FHOD3: variants seen among roughly 807,000 people sequenced by gnomAD.
FHOD3 encodes formin homology 2 domain containing 3.
A neutral mutation model predicts 173.0 loss-of-function variants in FHOD3; 90 were observed. That is an observed-to-expected ratio of 0.52 (90% CI 0.44 to 0.62). The LOEUF (loss-of-function observed/expected upper bound fraction) is 0.62. FHOD3 is among the 20% of genes least tolerant of loss of function. The pLI, the probability that FHOD3 is intolerant of heterozygous loss-of-function variation, is 0.00. For missense variants in FHOD3, 1,945 were observed against 2,034.7 expected, an observed-to-expected ratio of 0.96 and a Z score of 0.85; for synonymous variants, 828 against 823.0, an observed-to-expected ratio of 1.01 and a Z score of -0.10.
At chr18:36,490,110 C>T (rs2054392250) in intron 3 of FHOD3, among the ~76,000 whole-genome samples, 1 of 152,194 alleles carries the variant, frequency 6.6e-6, no homozygotes, top group Non-Finnish European at 1.5e-5. Context: ...TCTTCCATGG[C>T]TTGGGTGAGC....
At position 36,693,164 on chromosome 18, in the gene FHOD3, G is replaced by C. The variant is rs768917484; in HGVS notation, c.2022-45G>C. ...ATCCATAAACAAGCATCAGCCACAG[G>C]CTCCTCTTTCGTTTGACGGAAACCC... On this transcript the variant is annotated intron_variant, in intron 16 of 28. Transcript: ENST00000590592. 15 of 1,560,042 alleles carry C rather than the reference G, an allele frequency of 9.6e-6. No homozygotes were observed. In the Admixed American group the frequency reaches 2.7e-4, roughly 28 times the overall value.
intron 23 of FHOD3, among the ~76,000 whole-genome samples, chr18:36,744,636 C>A (rs1270531105): frequency 3.9e-5 from 6 of 152,208 alleles, no homozygotes; most frequent in Non-Finnish European, 8.8e-5. Flanking sequence ...CTGCTCCCCA[C>A]AGATAGGCAG....
chr18:36,685,828 T>C (rs2038573456), intron 15 of FHOD3, among the ~76,000 whole-genome samples: 1 of 152,148 alleles, frequency 6.6e-6, no homozygotes, highest in African/African-American at 2.4e-5. Flanking sequence ...TAAACTTAGA[T>C]TCAATTTGGA....
At chr18:36,553,243 G>A (rs1456658470) in intron 5 of FHOD3, among the ~76,000 whole-genome samples, 3 of 152,186 alleles carry the variant, frequency 2.0e-5, no homozygotes, top group Non-Finnish European at 4.4e-5. Flanking sequence ...GAGGATTTTA[G>A]CATTGATGTT....
At chr18:36,657,445 A>C (rs1045087128) in intron 13 of FHOD3, among the ~76,000 whole-genome samples, 2 of 152,242 alleles carry the variant, frequency 1.3e-5, no homozygotes. Flanking sequence ...CATGTCTGGA[A>C]AATCATCAAA....
chr18:36,539,000 A>G (rs1420768007), intron 5 of FHOD3, among the ~76,000 whole-genome samples: 2 of 152,324 alleles, frequency 1.3e-5, no homozygotes, highest in Non-Finnish European at 2.9e-5. Flanking sequence ...AGTACCTGGG[A>G]TCTCACCATA....
At chr18:36,534,030 G>A (rs1038990903) in intron 5 of FHOD3, among the ~76,000 whole-genome samples, 5 of 152,132 alleles carry the variant, frequency 3.3e-5, no homozygotes, top group African/African-American at 9.7e-5. Flanking sequence ...CCTTAGAGTG[G>A]TGATGACCCA....
At chr18:36,385,600 T>C (rs1281613669) in intron 3 of FHOD3, among the ~76,000 whole-genome samples, 1 of 152,220 alleles carries the variant, frequency 6.6e-6, no homozygotes, top group African/African-American at 2.4e-5. Flanking sequence ...TTTCACCATA[T>C]TGACCAGGCT....
Position 36,434,291 on chromosome 18 carries a change from G to A in FHOD3, c.337+61547G>A, listed in dbSNP as rs372099752. Reference sequence around the variant, plus strand: ...AAGATATGGATGTCTATTAATAGTCGTTCAAACACCATTTGTTGGAAATAC... The same window carrying A: ...AAGATATGGATGTCTATTAATAGTCATTCAAACACCATTTGTTGGAAATAC... On this transcript the variant is annotated intron_variant, in intron 3 of 28. Coordinates refer to ENST00000590592, the MANE Select transcript of FHOD3 (RefSeq NM_001281740.3). 6.8e-4 allele frequency among the ~76,000 whole-genome samples: 104 copies of A among 152,216 alleles called. 1 individual carries two copies. Among genetic ancestry groups the A allele is most frequent in the Middle Eastern group, 3.4e-3 (1 of 294 alleles).
chr18:36,779,718 C>G lies in FHOD3; in HGVS notation c.*188C>G. The stretch of plus-strand genomic sequence containing the variant: ...CATTGACTTGGATCTCCAGGAGTCC[C>G]CTGCACATACCTTCTCCATCGTGTC... On this transcript the variant is annotated 3_prime_UTR_variant, in exon 29 of 29. Coordinates refer to ENST00000590592, the MANE Select transcript of FHOD3 (RefSeq NM_001281740.3). 1 of 583,246 alleles carries G rather than the reference C, an allele frequency of 1.7e-6. No individual in the cohort carries two copies. The allele number at this position is 583,246 out of a possible 1,614,324, so 36.1% of individuals were successfully genotyped here. A position where few individuals can be genotyped will look rare whatever the true frequency, so the allele number is the denominator to read the frequency against.
chr18:36,491,945 C>T, intron 3 of FHOD3, among the ~76,000 whole-genome samples: 1 of 152,178 alleles, frequency 6.6e-6, no homozygotes, highest in Non-Finnish European at 1.5e-5. Flanking sequence ...ATGATTTTCA[C>T]ATCTTCTGTG....
intron 1 of FHOD3, among the ~76,000 whole-genome samples, chr18:36,325,819 G>A (rs907260082): frequency 1.3e-5 from 2 of 152,238 alleles, no homozygotes; most frequent in African/African-American, 4.8e-5. Context: ...GTAAATTAGT[G>A]TACTGGGACA....
At chr18:36,354,898 G>A (rs2046289633) in intron 1 of FHOD3, among the ~76,000 whole-genome samples, 1 of 152,134 alleles carries the variant, frequency 6.6e-6, no homozygotes, top group Non-Finnish European at 1.5e-5. Context: ...AGAATCACTT[G>A]AACCCGGGAG....
intron 19 of FHOD3, among the ~76,000 whole-genome samples, chr18:36,721,817 A>T (rs9956820): frequency 0.37 from 55,794 of 152,058 alleles, 10,338 homozygotes; most frequent in South Asian, 0.45. Flanking sequence ...AGAAATTTTT[A>T]AATTAAGTAC....
At chr18:36,700,965 A>G (rs1475930924) in intron 17 of FHOD3, among the ~76,000 whole-genome samples, 1 of 152,154 alleles carries the variant, frequency 6.6e-6, no homozygotes, top group African/African-American at 2.4e-5. Flanking sequence ...TTTCCCTTGC[A>G]TCTTGTGCAC....
chr18:36,446,268 G>A (rs1231755467), intron 3 of FHOD3, among the ~76,000 whole-genome samples: 1 of 152,146 alleles, frequency 6.6e-6, no homozygotes, highest in Admixed American at 6.5e-5. Context: ...AGGGCCCTGG[G>A]GGCTCTCAGA....
rs562701322 is a variant in FHOD3 at position 36,707,678 on chromosome 18, C to T, written c.2237-1417C>T. 2.0e-5 allele frequency among the ~76,000 whole-genome samples: 3 copies of T among 152,258 alleles called. No homozygotes were observed. The South Asian group carries it at 6.2e-4, about 32-fold the overall frequency. On this transcript the variant is annotated intron_variant, in intron 17 of 28. Coordinates refer to ENST00000590592, the MANE Select transcript of FHOD3 (RefSeq NM_001281740.3). ...GAATGTCCCTTTCCCTTAGTAATGCCCATGCCCAGCCTGCTGGGGGGCTGG... is the reference window on the plus strand; with the variant it reads ...GAATGTCCCTTTCCCTTAGTAATGCTCATGCCCAGCCTGCTGGGGGGCTGG...
Position 36,652,759 on chromosome 18 carries a change from T to G in FHOD3, c.1476T>G (p.Pro492=). 4 of 1,535,930 alleles carry G rather than the reference T, an allele frequency of 2.6e-6. No individual in the cohort carries two copies. The highest frequency in any genetic ancestry group is 3.5e-6 in the Non-Finnish European group (4 of 1,146,706). The part of the protein sequence containing the change: ...EATPSALLSP[P]ASAARPSSAT... ...CCCCATCTGCCCTCCTGTCACCCCC[T>G]GCCTCAGCTGCTCGGCCCTCCTCCG... The change falls in exon 12 of 29, where the codon CCT becomes CCG. Residue 492 remains proline, a synonymous_variant. Coordinates refer to ENST00000590592, the MANE Select transcript of FHOD3 (RefSeq NM_001281740.3).
At chr18:36,576,335 T>A in intron 5 of FHOD3, 116 bp from the exon 6 acceptor site, 1 of 599,064 alleles carries the variant, frequency 1.7e-6, no homozygotes, top group Non-Finnish European at 2.7e-6. Flanking sequence ...TCCTCAGATT[T>A]GATTCTTAAC....
Sources: gnomAD v4.1 joint callset for allele counts (sites outside exome capture counted in the v4.1 genomes callset) on GRCh38, gnomAD v4.1.1 for gene constraint, MANE v1.5 for transcripts, NCBI Gene and HGNC (gene_info 2026-07-23, HGNC 2026-07-21) for gene names.